The following SOX5 variants were observed in gnomAD, a reference collection of about 807,000 sequenced individuals.
The protein encoded by SOX5 is SRY-box transcription factor 5.
A neutral mutation model predicts 92.0 loss-of-function variants in SOX5; 9 were observed. The observed-to-expected ratio is 0.10, with a 90% CI of 0.06 to 0.17. The LOEUF (loss-of-function observed/expected upper bound fraction) is 0.17. Ranked by LOEUF, SOX5 falls within the 10% of genes least tolerant of loss-of-function variation. The pLI is 1.00. For missense variants in SOX5, 642 were observed against 944.5 expected (o/e 0.68, Z 4.20); for synonymous variants, 344 against 336.3 (o/e 1.02, Z -0.25).
chr12:24,021,054 C>T (rs1954226252), intron 4 of SOX5, among the ~76,000 whole-genome samples: 2 of 152,162 alleles, frequency 1.3e-5, no homozygotes, highest in Non-Finnish European at 2.9e-5. Context: ...GAGTCACAAC[C>T]ACCACAGGAG....
At chr12:23,858,186 A>T (rs1292870399) in intron 2 of SOX5, among the ~76,000 whole-genome samples, 1 of 152,046 alleles carries the variant, frequency 6.6e-6, no homozygotes, top group East Asian at 1.9e-4. Flanking sequence ...CTAAAAAATA[A>T]TAATAATAAA....
chr12:24,011,872 T>C (rs754630745), intron 4 of SOX5, among the ~76,000 whole-genome samples: 9 of 152,154 alleles, frequency 5.9e-5, no homozygotes, highest in African/African-American at 1.9e-4. Context: ...CCTCTGCCAA[T>C]TGACTAACAA....
chr12:23,907,813 T>TA (rs1568867844), intron 1 of SOX5, among the ~76,000 whole-genome samples: 2 of 152,264 alleles, frequency 1.3e-5, no homozygotes, highest in Admixed American at 6.5e-5. Flanking sequence ...GCATCCTCTA[T>TA]AAAAAAATCA....
chr12:23,971,121 C>CTTTT lies in SOX5; in HGVS notation c.-1-75101_-1-75098dup, dbSNP rs71059953. Among the ~76,000 whole-genome samples, 24 of 86,232 alleles carry CTTTT rather than the reference C, an allele frequency of 2.8e-4. 3 individuals are homozygous for CTTTT. The highest frequency in any genetic ancestry group is 1.0e-3 in the African/African-American group (19 of 18,382). The allele number at this position is 86,232 out of a possible 152,430, so 56.6% of individuals were successfully genotyped here. ...CCATCTGAGTAGGTGTGTCAGCTGA[C>CTTTT]TTTTTTTTTTTTTTTTTTTGAGAGG... On this transcript the variant is annotated intron_variant, in intron 4 of 4. Transcript: ENST00000446891.
intron 3 of SOX5, among the ~76,000 whole-genome samples, chr12:24,261,515 C>A (rs1942082843): frequency 6.6e-6 from 1 of 152,176 alleles, no homozygotes; most frequent in African/African-American, 2.4e-5. Flanking sequence ...CCACACCACA[C>A]CACACAGGAG....
intron 3 of SOX5, among the ~76,000 whole-genome samples, chr12:23,815,672 T>A (rs1042590861): frequency 6.6e-6 from 1 of 152,176 alleles, no homozygotes; most frequent in African/African-American, 2.4e-5. Context: ...GTCTTCATAA[T>A]TCAGTATTTT....
At chr12:23,953,562 G>T (rs1250049491), upstream of SOX5, among the ~76,000 whole-genome samples, 4 of 151,718 alleles carry the variant, frequency 2.6e-5, no homozygotes, top group African/African-American at 4.8e-5. Context: ...TTTAATAAAA[G>T]AATTTTAAAA....
intron 1 of SOX5, among the ~76,000 whole-genome samples, chr12:23,913,208 G>T (rs1021505549): frequency 1.2e-4 from 18 of 152,038 alleles, no homozygotes; most frequent in Non-Finnish European, 2.1e-4. Context: ...TTTTATGAAA[G>T]AACTTAAATA....
At chr12:23,722,073 A>ACAT (rs1165551340) in intron 6 of SOX5, among the ~76,000 whole-genome samples, 1 of 152,226 alleles carries the variant, frequency 6.6e-6, no homozygotes, top group Admixed American at 6.5e-5. Context: ...ATATTTTGAA[A>ACAT]CATAAATGTC....
chr12:23,988,613 TA>T (rs1312112882), intron 4 of SOX5, among the ~76,000 whole-genome samples: 1 of 152,200 alleles, frequency 6.6e-6, no homozygotes, highest in Non-Finnish European at 1.5e-5. Flanking sequence ...ATGATTGTAT[TA>T]TTTCCATCGG....
chr12:24,112,976 T>C (rs1485831043), intron 4 of SOX5, among the ~76,000 whole-genome samples: 1 of 151,962 alleles, frequency 6.6e-6, no homozygotes, highest in Non-Finnish European at 1.5e-5. Flanking sequence ...AAATATTTCC[T>C]CTTACACTGG....
At chr12:24,474,859 A>G (rs1187334344) in intron 1 of SOX5, among the ~76,000 whole-genome samples, 1 of 140,036 alleles carries the variant, frequency 7.1e-6, no homozygotes, top group Admixed American at 7.2e-5. Context: ...TCTTAGTGAG[A>G]GTTTTTTTTT....
intron 4 of SOX5, among the ~76,000 whole-genome samples, chr12:24,182,288 T>A (rs1209253835): frequency 6.6e-6 from 1 of 152,226 alleles, no homozygotes; most frequent in Non-Finnish European, 1.5e-5. Context: ...GGTCTTTTCA[T>A]ATGCTCTAAG....
chr12:23,917,927 T>C (rs1288034349), intron 1 of SOX5, among the ~76,000 whole-genome samples: 2 of 152,278 alleles, frequency 1.3e-5, no homozygotes, highest in Admixed American at 6.5e-5. Context: ...AGTCCATCAA[T>C]TGGGTATCTA....
intron 4 of SOX5, among the ~76,000 whole-genome samples, chr12:24,129,938 T>C (rs563996825): frequency 2.6e-5 from 4 of 152,242 alleles, no homozygotes; most frequent in Non-Finnish European, 5.9e-5. Flanking sequence ...AGTTCTAACA[T>C]GCCCATGGTA....
intron 1 of SOX5, among the ~76,000 whole-genome samples, chr12:23,912,942 A>C (rs2097367605): frequency 6.6e-6 from 1 of 152,188 alleles, no homozygotes; most frequent in African/African-American, 2.4e-5. Context: ...CAATTCTGAA[A>C]ATACTAAAAT....
At chr12:24,142,101 T>TC (rs1399204612) in intron 4 of SOX5, among the ~76,000 whole-genome samples, 1 of 152,186 alleles carries the variant, frequency 6.6e-6, no homozygotes, top group Non-Finnish European at 1.5e-5. Context: ...TTCTGCTTTT[T>TC]CCCACATTGT....
At chr12:23,593,751 T>C (rs1249339451) in intron 9 of SOX5, among the ~76,000 whole-genome samples, 1 of 152,118 alleles carries the variant, frequency 6.6e-6, no homozygotes, top group Non-Finnish European at 1.5e-5. Context: ...CAGAAGTTTT[T>C]GGTGTTTTTC....
At chr12:23,576,227 G>C (rs1024544548) in intron 9 of SOX5, among the ~76,000 whole-genome samples, 1 of 151,818 alleles carries the variant, frequency 6.6e-6, no homozygotes, top group African/African-American at 2.4e-5. Flanking sequence ...GGTTGGATCT[G>C]ATGCATCTTT....
Sources: gnomAD v4.1 joint callset for allele counts (sites outside exome capture counted in the v4.1 genomes callset) on GRCh38, gnomAD v4.1.1 for gene constraint, MANE v1.5 for transcripts, NCBI Gene and HGNC (gene_info 2026-07-23, HGNC 2026-07-21) for gene names.